SCFD1: variants seen among roughly 807,000 people sequenced by gnomAD.
SCFD1 encodes sec1 family domain-containing protein 1.
In SCFD1, 37 loss-of-function variants were observed where a neutral mutation model predicts 103.2. The ratio of observed to expected loss-of-function variants is 0.36; its 90% CI spans 0.28 to 0.47. The LOEUF (loss-of-function observed/expected upper bound fraction) is 0.47. Among genes scored for constraint, SCFD1 ranks in the 20% least tolerant of loss-of-function variants. The probability of loss-of-function intolerance (pLI) is 1.00; values close to 1 mark genes in which losing one functional copy is unlikely to be tolerated. For missense variants in SCFD1, 639 were observed against 761.2 expected, an observed-to-expected ratio of 0.84 and a Z score of 1.89; for synonymous variants, 264 against 245.0, an observed-to-expected ratio of 1.08 and a Z score of -0.73.
At chr14:30,658,670 G>C (rs1887145286) in intron 10 of SCFD1, among the ~76,000 whole-genome samples, 1 of 152,168 alleles carries the variant, frequency 6.6e-6, no homozygotes, top group Admixed American at 6.5e-5. Flanking sequence ...TGGGATTACA[G>C]GCGTGAGCTA....
In SCFD1 at chr14:30,627,485, G is replaced by A. The variant is rs577925159; in HGVS notation, c.62-724G>A. On this transcript the variant is annotated intron_variant, in intron 1 of 24. Transcript: ENST00000458591. The stretch of plus-strand genomic sequence containing the variant: ...ATCCAGGCCGGGCGTGGTGGCTCAC[G>A]CCTGTAATCCCAGCACTTTGGGAGG... Among the ~76,000 whole-genome samples, 38 of 152,206 alleles carry A rather than the reference G, an allele frequency of 2.5e-4. No individual in the cohort carries two copies. The South Asian group carries it at 7.0e-3, about 28-fold the overall frequency.
At chr14:30,681,319 C>T (rs1052586347) in intron 14 of SCFD1, among the ~76,000 whole-genome samples, 9 of 151,762 alleles carry the variant, frequency 5.9e-5, no homozygotes, top group South Asian at 2.1e-4. Flanking sequence ...ACAAATACCA[C>T]GGAAATATCA....
Position 30,700,276 on chromosome 14 carries a change from T to C in SCFD1, c.1410+18T>C. The stretch of plus-strand genomic sequence containing the variant: ...CTTCTGAGGTATGTCCTTTATTCAG[T>C]TATTGGGAGGAAGGGGAATGCTTGT... On this transcript the variant is annotated intron_variant, in intron 16 of 24. Coordinates refer to ENST00000458591, the MANE Select transcript of SCFD1 (RefSeq NM_016106.4). 1 of 1,508,560 alleles carries C rather than the reference T, an allele frequency of 6.6e-7. No individual in the cohort carries two copies. Among genetic ancestry groups the C allele is most frequent in the Non-Finnish European group, 9.2e-7 (1 of 1,088,212 alleles). 93.4% of individuals were successfully genotyped at this position (1,508,560 alleles called of 1,614,324 possible).
intron 1 of SCFD1, among the ~76,000 whole-genome samples, chr14:30,623,120 C>A (rs1883031437): frequency 6.6e-6 from 1 of 152,196 alleles, no homozygotes; most frequent in South Asian, 2.1e-4. Flanking sequence ...TACTTGAAAA[C>A]TTCTCATGAC....
At chr14:30,717,960 GT>G (rs1244670860) in intron 20 of SCFD1, among the ~76,000 whole-genome samples, 1 of 151,316 alleles carries the variant, frequency 6.6e-6, no homozygotes, top group Non-Finnish European at 1.5e-5. Context: ...TCTGAGAAAA[GT>G]ACTAGTATTA....
At chr14:30,720,311 G>A (rs911393232) in intron 21 of SCFD1, among the ~76,000 whole-genome samples, 4 of 152,222 alleles carry the variant, frequency 2.6e-5, no homozygotes, top group Admixed American at 2.6e-4. Flanking sequence ...ATGGGTACAG[G>A]ACTTCTTCTA....
chr14:30,714,690 T>C (rs889806613), intron 19 of SCFD1, among the ~76,000 whole-genome samples: 4 of 152,196 alleles, frequency 2.6e-5, no homozygotes, highest in African/African-American at 4.8e-5. Flanking sequence ...TATATAATAG[T>C]AATGTGTTAT....
chr14:30,636,470 T>C (rs1294626472), intron 4 of SCFD1, among the ~76,000 whole-genome samples: 1 of 152,104 alleles, frequency 6.6e-6, no homozygotes. Flanking sequence ...CCCAGCGTAA[T>C]TTATTAAAGA....
chr14:30,638,947 T>C (rs985425686), intron 5 of SCFD1, among the ~76,000 whole-genome samples: 2 of 152,374 alleles, frequency 1.3e-5, no homozygotes, highest in Admixed American at 6.5e-5. Context: ...GATAGATTTT[T>C]CATTGTTAGA....
At chr14:30,671,115 T>C (rs1391787111) in intron 11 of SCFD1, among the ~76,000 whole-genome samples, 2 of 152,124 alleles carry the variant, frequency 1.3e-5, no homozygotes, top group Non-Finnish European at 2.9e-5. Context: ...TTGATATAGC[T>C]GTTCTTTTTG....
intron 19 of SCFD1, among the ~76,000 whole-genome samples, chr14:30,709,301 T>A (rs1405574697): frequency 6.6e-6 from 1 of 152,122 alleles, no homozygotes; most frequent in Admixed American, 6.5e-5. Flanking sequence ...TATTTTTTTC[T>A]TTTTCTTTTT....
Position 30,639,827 on chromosome 14 carries a change from A to T in SCFD1, c.486A>T (p.Val162=). The change falls in exon 6 of 25, where the codon GTA becomes GTT. Residue 162 remains valine (V), a synonymous_variant. Coordinates refer to ENST00000458591, the MANE Select transcript of SCFD1 (RefSeq NM_016106.4). ...TTACTTTGGAAGATGATATGTTTGT[A>T]TTATGTAATCAAAATAAGGAGCTTG... ...NFITLEDDMF[V]LCNQNKELVS... The T allele has an allele frequency of 1.9e-6, 3 of 1,582,096 alleles. No individual in the cohort carries two copies. Among genetic ancestry groups the T allele is most frequent in the Non-Finnish European group, 2.6e-6 (3 of 1,164,570 alleles).
intron 19 of SCFD1, chr14:30,715,163 A>G (rs981098299): frequency 1.3e-5 from 2 of 152,214 alleles, no homozygotes; most frequent in African/African-American, 4.8e-5. Flanking sequence ...TACAAAAAAT[A>G]CCTTTTTATT....
intron 14 of SCFD1, chr14:30,683,336 GTCAC>G: frequency 1.6e-6 from 1 of 620,810 alleles, no homozygotes; most frequent in East Asian, 3.2e-5. Flanking sequence ...TGTAAGGGTA[GTCAC>G]TGGGGAACTC....
At chr14:30,670,877 T>C (rs146980582) in intron 11 of SCFD1, among the ~76,000 whole-genome samples, 1 of 152,216 alleles carries the variant, frequency 6.6e-6, no homozygotes, top group African/African-American at 2.4e-5. Context: ...ATTTGCCATG[T>C]GATTTACTGT....
chr14:30,707,964 G>A (rs1468048259), intron 18 of SCFD1, 26 bp from the exon 19 acceptor site: 1 of 1,511,250 alleles, frequency 6.6e-7, no homozygotes, highest in Non-Finnish European at 9.2e-7. Context: ...TACTTAGAAT[G>A]GTCCTTCTCT....
intron 14 of SCFD1, among the ~76,000 whole-genome samples, chr14:30,679,978 C>A (rs1248321855): frequency 1.3e-5 from 2 of 152,138 alleles, no homozygotes; most frequent in Non-Finnish European, 2.9e-5. Context: ...CTATGAGAAT[C>A]TGAAGTATTT....
chr14:30,716,515 A>G (rs928239235), intron 20 of SCFD1, among the ~76,000 whole-genome samples: 1 of 152,192 alleles, frequency 6.6e-6, no homozygotes, highest in African/African-American at 2.4e-5. Flanking sequence ...ATCTGTTTGT[A>G]ATTCAAGAAA....
intron 14 of SCFD1, among the ~76,000 whole-genome samples, chr14:30,678,970 G>A (rs1157033112): frequency 6.6e-6 from 1 of 152,128 alleles, no homozygotes; most frequent in Non-Finnish European, 1.5e-5. Context: ...ACCCTTGTTG[G>A]CAATGCTAGC....
Sources: allele counts gnomAD v4.1 joint callset (sites outside exome capture counted in the v4.1 genomes callset), GRCh38; gene constraint gnomAD v4.1.1; transcripts MANE v1.5; gene names NCBI Gene and HGNC (gene_info 2026-07-23, HGNC 2026-07-21).